The following SCARB2 variants were observed in gnomAD, a reference collection of about 807,000 sequenced individuals.
SCARB2 encodes the protein scavenger receptor class B member 2, also known as lysosome membrane protein 2.
SCARB2 carries 29 observed loss-of-function variants against 58.6 expected under a neutral mutation model. The observed-to-expected ratio is 0.49, with a 90% CI of 0.37 to 0.67. The LOEUF is 0.67. Ranked by LOEUF, SCARB2 falls within the 30% of genes least tolerant of loss-of-function variation. The probability of loss-of-function intolerance (pLI) is 0.00; values close to 1 mark genes in which losing one functional copy is unlikely to be tolerated. For synonymous variants in SCARB2, 195 were observed against 210.1 expected (o/e 0.93, Z 0.62); for missense variants, 488 against 578.5 (o/e 0.84, Z 1.60).
At chr4:76,189,765 C>G (rs1282382261) in intron 2 of SCARB2, among the ~76,000 whole-genome samples, 1 of 152,236 alleles carries the variant, frequency 6.6e-6, no homozygotes, top group South Asian at 2.1e-4. Context: ...AGCCACCACA[C>G]CCAACCAAAA....
intron 6 of SCARB2, chr4:76,174,531 C>A: frequency 3.7e-6 from 2 of 541,420 alleles, no homozygotes; most frequent in Non-Finnish European, 6.7e-6. Flanking sequence ...TGATATCATC[C>A]AAACAAGAAA....
chr4:76,213,342 G>T, intron 1 of SCARB2, 85 bp downstream of exon 1: 1 of 941,712 alleles, frequency 1.1e-6, no homozygotes, highest in Non-Finnish European at 1.7e-6. Flanking sequence ...CTGAGTGCTG[G>T]TCTTTCCCAT....
At chr4:76,204,725 C>A (rs6532244) in intron 1 of SCARB2, among the ~76,000 whole-genome samples, 68,157 of 151,866 alleles carry the variant, frequency 0.45, 16,584 homozygotes, top group East Asian at 0.92. Context: ...AGAAATAAGG[C>A]CACGGAAACA....
In SCARB2 at chr4:76,166,653, GAGCCAACTGAGC is replaced by G. The variant is rs550096191; in HGVS notation, c.1188-364_1188-353del. 1.6e-3 allele frequency: 588 copies of G among 376,240 alleles called. 6 individuals carry two copies. Among genetic ancestry groups the G allele is most frequent in the African/African-American group, 0.011 (547 of 48,380 alleles). The allele number at this position is 376,240 out of a possible 1,614,324, so 23.3% of individuals were successfully genotyped here. On this transcript the variant is annotated intron_variant, in intron 9 of 11. Transcript: ENST00000264896. ...CACTGAAGTACTGTCTTTGCAACAA[GAGCCAACTGAGC>G]ATGTACCACGTGCCAGCTCTGTGCT...
chr4:76,211,291 A>G (rs1238406109), intron 1 of SCARB2, among the ~76,000 whole-genome samples: 1 of 152,228 alleles, frequency 6.6e-6, no homozygotes, highest in Non-Finnish European at 1.5e-5. Flanking sequence ...TAAATGCATC[A>G]CTGTGCCCAA....
rs1183330914 is a variant in SCARB2 at position 76,213,332 on chromosome 4, C to T, written c.117+95G>A. On this transcript the variant is annotated intron_variant, in intron 1 of 11. Transcript: ENST00000264896. ...AAGAGCTCTAGCGCGGAGGGTCTGC[C>T]TGAGTGCTGGTCTTTCCCATACAAG... The T allele has an allele frequency of 3.5e-6, 3 of 862,538 alleles. No homozygotes were observed. In the Admixed American group the frequency reaches 5.9e-5, roughly 17 times the overall value. The allele number at this position is 862,538 out of a possible 1,614,324, so 53.4% of individuals were successfully genotyped here.
At chr4:76,211,453 C>T (rs796356018) in intron 1 of SCARB2, among the ~76,000 whole-genome samples, 40 of 152,316 alleles carry the variant, frequency 2.6e-4, no homozygotes, top group African/African-American at 8.9e-4. Context: ...CTTTGTGTGG[C>T]TTCTAATAAA....
At chr4:76,167,267 G>A (rs1337762483) in intron 9 of SCARB2, among the ~76,000 whole-genome samples, 1 of 152,160 alleles carries the variant, frequency 6.6e-6, no homozygotes, top group Non-Finnish European at 1.5e-5. Context: ...GTCTCTGAGT[G>A]ATATAGTTTG....
At chr4:76,205,534 C>T (rs1356871416) in intron 1 of SCARB2, among the ~76,000 whole-genome samples, 4 of 152,042 alleles carry the variant, frequency 2.6e-5, no homozygotes, top group Non-Finnish European at 1.5e-5. Context: ...GTTGCATGCC[C>T]TAAATATGTA....
intron 2 of SCARB2, among the ~76,000 whole-genome samples, chr4:76,187,046 G>A (rs1363684127): frequency 6.6e-6 from 1 of 152,038 alleles, no homozygotes; most frequent in Non-Finnish European, 1.5e-5. Flanking sequence ...CACGGTTAAA[G>A]AACTAAAGGG....
rs2109937711 is a variant in SCARB2, at chr4:76,169,874, A to G, written c.1106T>C (p.Ile369Thr). Reference protein sequence around the residue: ...NQEDHETFVDINPLTGIILKA... With the variant: ...NQEDHETFVDTNPLTGIILKA... ...GAGGAAGTATGTACTCACAGGATTA[A>G]TGTCCACAAATGTCTCATGGTCTTC... Residue 369 changes from isoleucine to threonine, a missense_variant, in exon 8 of 12, where the codon ATT (isoleucine) becomes ACT (threonine). Physicochemically the swap from Ile to Thr is moderately conservative, Grantham distance 89. Transcript: ENST00000264896. 3 of 1,609,832 alleles carry G rather than the reference A, an allele frequency of 1.9e-6. No homozygotes were observed. Among genetic ancestry groups the G allele is most frequent in the East Asian group, 4.5e-5 (2 of 44,826 alleles).
At position 76,195,965 on chromosome 4, in the gene SCARB2, AT is replaced by A. The variant is rs1293217318; in HGVS notation, c.118-102del. ...GACGCCCCCTATTCTGACCTCCTAG[AT>A]CACTATTTTAATCATTTCACAGGCA... On this transcript the variant is annotated intron_variant, in intron 1 of 11. Coordinates refer to ENST00000264896, the MANE Select transcript of SCARB2 (RefSeq NM_005506.4). 3 of 784,554 alleles carry A rather than the reference AT, an allele frequency of 3.8e-6. No individual in the cohort carries two copies. In the African/African-American group the frequency reaches 5.2e-5, roughly 14 times the overall value. The allele number at this position is 784,554 out of a possible 1,614,324, so 48.6% of individuals were successfully genotyped here.
At chr4:76,166,831 T>G (rs1017773382) in intron 9 of SCARB2, 1 of 155,632 alleles carries the variant, frequency 6.4e-6, no homozygotes, top group Non-Finnish European at 1.4e-5. Context: ...GCCACAAATG[T>G]AATTCCACTT....
intron 4 of SCARB2, among the ~76,000 whole-genome samples, chr4:76,178,590 T>C (rs1354960193): frequency 6.6e-6 from 1 of 152,144 alleles, no homozygotes; most frequent in Non-Finnish European, 1.5e-5. Flanking sequence ...GGAGGTTCAG[T>C]CAGGGCTTGA....
chr4:76,224,619 G>C (rs938129053), intron 1 of SCARB2, among the ~76,000 whole-genome samples: 34 of 152,256 alleles, frequency 2.2e-4, no homozygotes, highest in African/African-American at 8.2e-4. Flanking sequence ...GCAGAGTGCA[G>C]TGGCATGATT....
intron 1 of SCARB2, among the ~76,000 whole-genome samples, chr4:76,226,827 G>A (rs2136053): frequency 0.91 from 138,443 of 152,194 alleles, 64,349 homozygotes; most frequent in East Asian, 1. Context: ...TGTTCATAGT[G>A]ACCTTAAATG....
intron 1 of SCARB2, among the ~76,000 whole-genome samples, chr4:76,225,526 T>A (rs112311824): frequency 5.3e-5 from 8 of 152,362 alleles, no homozygotes; most frequent in African/African-American, 1.9e-4. Context: ...TGTGGGTTTG[T>A]CATAGATGGC....
At chr4:76,182,577 T>G (rs1198255730) in intron 2 of SCARB2, among the ~76,000 whole-genome samples, 1 of 152,234 alleles carries the variant, frequency 6.6e-6, no homozygotes, top group Non-Finnish European at 1.5e-5. Flanking sequence ...ATTGGCCAGC[T>G]GGGCTACCCA....
At chr4:76,164,651 A>C (rs1731965003) in intron 10 of SCARB2, 1 of 146,770 alleles carries the variant, frequency 6.8e-6, no homozygotes, top group Non-Finnish European at 1.5e-5. Flanking sequence ...AAAAAAAAAA[A>C]TTAGCCGGGC....
Sources: gnomAD v4.1 joint callset for allele counts (sites outside exome capture counted in the v4.1 genomes callset) on GRCh38, gnomAD v4.1.1 for gene constraint, MANE v1.5 for transcripts, NCBI Gene and HGNC (gene_info 2026-07-23, HGNC 2026-07-21) for gene names.